The following THSD7A variants were observed in gnomAD, a reference collection of about 807,000 sequenced individuals.
The protein encoded by THSD7A is thrombospondin type-1 domain-containing protein 7A.
THSD7A carries 96 observed loss-of-function variants against 231.3 expected under a neutral mutation model. The observed-to-expected ratio is 0.41, with a 90% CI of 0.35 to 0.49. The LOEUF (loss-of-function observed/expected upper bound fraction) is 0.49, where lower values mean the gene tolerates loss of function less well. THSD7A is among the 20% of genes least tolerant of loss of function. The pLI is 0.05. For missense variants in THSD7A, 2,290 were observed against 2,070.2 expected (o/e 1.11, Z -2.06); for synonymous variants, 940 against 743.3 (o/e 1.26, Z -4.30).
intron 7 of THSD7A, among the ~76,000 whole-genome samples, chr7:11,481,320 AT>A (rs1420948258): frequency 6.6e-6 from 1 of 152,174 alleles, no homozygotes; most frequent in East Asian, 1.9e-4. Flanking sequence ...GAAACTGAAA[AT>A]TGCAATTTTT....
intron 23 of THSD7A, among the ~76,000 whole-genome samples, chr7:11,396,092 A>T (rs555032481): frequency 6.6e-6 from 1 of 151,870 alleles, no homozygotes; most frequent in East Asian, 1.9e-4. Flanking sequence ...AGTTATTTGA[A>T]ACCAATGAGT....
chr7:11,583,477 T>C (rs1016886869), intron 4 of THSD7A, among the ~76,000 whole-genome samples: 1 of 152,112 alleles, frequency 6.6e-6, no homozygotes, highest in African/African-American at 2.4e-5. Flanking sequence ...AGTTTCACCA[T>C]GTTGCACAGT....
chr7:11,753,324 G>C (rs1782566364), intron 1 of THSD7A, among the ~76,000 whole-genome samples: 1 of 152,016 alleles, frequency 6.6e-6, no homozygotes, highest in South Asian at 2.1e-4. Context: ...CAAAACTAGA[G>C]ATTCTGAAGT....
chr7:11,621,210 G>C, intron 2 of THSD7A, among the ~76,000 whole-genome samples: 1 of 152,152 alleles, frequency 6.6e-6, no homozygotes, highest in East Asian at 1.9e-4. Context: ...CGATTTCACA[G>C]TGTTTCCTAG....
chr7:11,748,902 AT>A (rs1180236883), intron 1 of THSD7A, among the ~76,000 whole-genome samples: 1 of 152,036 alleles, frequency 6.6e-6, no homozygotes, highest in Non-Finnish European at 1.5e-5. Flanking sequence ...ATATTTATTG[AT>A]CATAAGATTT....
At chr7:11,403,756 G>T (rs1434496655) in intron 22 of THSD7A, among the ~76,000 whole-genome samples, 1 of 152,090 alleles carries the variant, frequency 6.6e-6, no homozygotes, top group Non-Finnish European at 1.5e-5. Context: ...TACATGTCAG[G>T]CTTCAAAGAT....
chr7:11,786,141 T>G (rs905143486), intron 1 of THSD7A, among the ~76,000 whole-genome samples: 6 of 148,514 alleles, frequency 4.0e-5, no homozygotes, highest in Non-Finnish European at 7.4e-5. Context: ...CAGTCTCTAA[T>G]AGTTTGGTTA....
chr7:11,556,648 G>T, intron 4 of THSD7A, among the ~76,000 whole-genome samples: 1 of 151,494 alleles, frequency 6.6e-6, no homozygotes. Context: ...ATTCTTTTAG[G>T]GTAAGTCTAC....
At chr7:11,481,377 T>A (rs1786416446) in intron 7 of THSD7A, among the ~76,000 whole-genome samples, 1 of 152,106 alleles carries the variant, frequency 6.6e-6, no homozygotes, top group Non-Finnish European at 1.5e-5. Flanking sequence ...ACTTTATGAT[T>A]GGATATATAT....
At chr7:11,546,876 G>C (rs1435819829) in intron 4 of THSD7A, among the ~76,000 whole-genome samples, 1 of 152,000 alleles carries the variant, frequency 6.6e-6, no homozygotes, top group Non-Finnish European at 1.5e-5. Flanking sequence ...TGATCTAATA[G>C]ATCTGAAAAA....
intron 1 of THSD7A, among the ~76,000 whole-genome samples, chr7:11,679,455 G>T (rs1445212919): frequency 2.0e-5 from 3 of 152,066 alleles, no homozygotes; most frequent in East Asian, 3.9e-4. Context: ...AAACCCCATT[G>T]TCTCAGCCTA....
chr7:11,562,677 G>C (rs1430936847), intron 4 of THSD7A, among the ~76,000 whole-genome samples: 2 of 152,058 alleles, frequency 1.3e-5, no homozygotes, highest in Non-Finnish European at 2.9e-5. Context: ...AGATTCCAAA[G>C]ACCGACAAAT....
intron 4 of THSD7A, among the ~76,000 whole-genome samples, chr7:11,562,998 C>T (rs1790139592): frequency 6.6e-6 from 1 of 152,182 alleles, no homozygotes; most frequent in Non-Finnish European, 1.5e-5. Context: ...TAGCTAGAGT[C>T]ACTAAAAATT....
At chr7:11,638,757 G>T (rs2526095) in intron 1 of THSD7A, among the ~76,000 whole-genome samples, 1 of 151,982 alleles carries the variant, frequency 6.6e-6, no homozygotes, top group African/African-American at 2.4e-5. Context: ...AAGTATGAAT[G>T]TTGAAACTTT....
intron 1 of THSD7A, among the ~76,000 whole-genome samples, chr7:11,715,525 A>G (rs767592286): frequency 6.6e-6 from 1 of 151,370 alleles, no homozygotes; most frequent in Non-Finnish European, 1.5e-5. Flanking sequence ...TATACACACA[A>G]CCTGCTGTTA....
intron 1 of THSD7A, among the ~76,000 whole-genome samples, chr7:11,765,498 G>A (rs1032831589): frequency 6.6e-6 from 1 of 152,176 alleles, no homozygotes; most frequent in Admixed American, 6.5e-5. Flanking sequence ...TTCCTTGGAA[G>A]TTGCTTAGAC....
At chr7:11,609,714 C>T (rs962312380) in intron 2 of THSD7A, among the ~76,000 whole-genome samples, 1 of 152,108 alleles carries the variant, frequency 6.6e-6, no homozygotes, top group African/African-American at 2.4e-5. Context: ...AGCAGTACTC[C>T]TAGATACTCA....
chr7:11,703,379 T>C (rs1231717935), intron 1 of THSD7A, among the ~76,000 whole-genome samples: 1 of 151,218 alleles, frequency 6.6e-6, no homozygotes, highest in African/African-American at 2.4e-5. Context: ...AATCTGAGGA[T>C]CAGAGATTTT....
chr7:11,554,685 T>A (rs972426121), intron 4 of THSD7A, among the ~76,000 whole-genome samples: 1 of 152,046 alleles, frequency 6.6e-6, no homozygotes, highest in African/African-American at 2.4e-5. Flanking sequence ...TGAATTCTAC[T>A]TGCTAATATC....
Sources: allele counts gnomAD v4.1 joint callset (sites outside exome capture counted in the v4.1 genomes callset), GRCh38; gene constraint gnomAD v4.1.1; transcripts MANE v1.5; gene names NCBI Gene and HGNC (gene_info 2026-07-23, HGNC 2026-07-21).